Variants in UNC13B observed in about 807,000 individuals in gnomAD.
UNC13B encodes the protein unc-13 homolog B, also known as protein unc-13 homolog B.
A neutral mutation model predicts 211.0 loss-of-function variants in UNC13B; 144 were observed. The ratio of observed to expected loss-of-function variants is 0.68; its 90% CI spans 0.60 to 0.78. The LOEUF is 0.78. Among genes scored for constraint, UNC13B ranks in the 30% least tolerant of loss-of-function variants. The pLI is 0.00. For missense variants in UNC13B, 1,777 were observed against 2,002.0 expected, an observed-to-expected ratio of 0.89 and a Z score of 2.14; for synonymous variants, 709 against 725.8, an observed-to-expected ratio of 0.98 and a Z score of 0.37.
At chr9:35,243,190 CCTT>C (rs1346283495) in intron 5 of UNC13B, 98 bp from the exon 6 acceptor site, 93 of 1,167,708 alleles carry the variant, frequency 8.0e-5, no homozygotes, top group Non-Finnish European at 1.1e-4. Context: ...ATCACTACCA[CCTT>C]CTGACTTCAG....
intron 11 of UNC13B, among the ~76,000 whole-genome samples, chr9:35,330,461 G>C (rs576118316): frequency 1.3e-5 from 2 of 152,306 alleles, no homozygotes; most frequent in Non-Finnish European, 2.9e-5. Flanking sequence ...AGGGATCTAG[G>C]CCACCAGGTC....
Position 35,302,671 on chromosome 9 carries a change from T to C in UNC13B, c.3267T>C (p.His1089=), listed in dbSNP as rs1244901082. The change falls in exon 9 of 40, where the codon CAT becomes CAC. Residue 1089 remains histidine, a synonymous_variant. Coordinates refer to ENST00000635942, the MANE Select transcript of UNC13B (RefSeq NM_001371189.2). The part of the protein sequence containing the change: ...LAIPGVVPKE[H]ITSDPLGEDK... ...TCCCTGGAGTTGTGCCCAAAGAACA[T>C]ATAACTTCAGATCCTTTAGGAGAAG... 5.0e-6 allele frequency: 2 copies of C among 398,644 alleles called. No homozygotes were observed. The highest frequency in any genetic ancestry group is 4.4e-5 in the Admixed American group (1 of 22,720). 24.7% of individuals were successfully genotyped at this position (398,644 alleles called of 1,614,324 possible).
At chr9:35,370,003 C>T (rs1790246188) in intron 12 of UNC13B, among the ~76,000 whole-genome samples, 1 of 152,184 alleles carries the variant, frequency 6.6e-6, no homozygotes, top group Non-Finnish European at 1.5e-5. Flanking sequence ...CCAATTCCTA[C>T]CTTGCCTTAT....
At chr9:35,391,483 C>G (rs1288426339) in intron 26 of UNC13B, among the ~76,000 whole-genome samples, 1 of 152,164 alleles carries the variant, frequency 6.6e-6, no homozygotes, top group Non-Finnish European at 1.5e-5. Flanking sequence ...GATGAGCCAC[C>G]CTCAGATGCT....
At chr9:35,398,157 A>C in intron 30 of UNC13B, 54 bp from the exon 31 acceptor site, 1 of 1,548,660 alleles carries the variant, frequency 6.5e-7, no homozygotes, top group Non-Finnish European at 8.8e-7. Flanking sequence ...ACCTAGGCTA[A>C]TGGGTCCTAT....
At chr9:35,195,978 A>G (rs138782600) in intron 1 of UNC13B, among the ~76,000 whole-genome samples, 4,262 of 152,166 alleles carry the variant, frequency 0.028, 96 homozygotes, top group Non-Finnish European at 0.042. Flanking sequence ...ACACATACAC[A>G]TATACATGCA....
rs1830015783 is a variant in UNC13B at position 35,308,165 on chromosome 9, G to T, written c.8761G>T (p.Gly2921Trp). 2.5e-6 allele frequency: 1 copy of T among 399,632 alleles called. No individual in the cohort carries two copies. The highest frequency in any genetic ancestry group is 3.6e-5 in the East Asian group (1 of 28,084). The allele number at this position is 399,632 out of a possible 1,614,324, so 24.8% of individuals were successfully genotyped here. The change falls in exon 9 of 40, where the codon GGG becomes TGG. Residue 2921 changes from glycine (G) to tryptophan (W), a missense_variant. By Grantham distance (184) the Gly-to-Trp change is radical. Coordinates refer to ENST00000635942, the MANE Select transcript of UNC13B (RefSeq NM_001371189.2). Reference sequence around the variant, plus strand: ...AGAGGTCTGTGCTCAGGGGCTTTCAGGGTCTGGAGAAGGGGGAAACCAGCA... The same window carrying T: ...AGAGGTCTGTGCTCAGGGGCTTTCATGGTCTGGAGAAGGGGGAAACCAGCA... ...SPEVCAQGLS[G>W]SGEGGNQQEI...
chr9:35,265,139 G>A (rs1408028992), intron 7 of UNC13B, among the ~76,000 whole-genome samples: 1 of 152,172 alleles, frequency 6.6e-6, no homozygotes, highest in Non-Finnish European at 1.5e-5. Flanking sequence ...GAATTATGGG[G>A]GGCTGGGGCA....
Position 35,307,070 on chromosome 9 carries a change from A to G in UNC13B, c.7666A>G (p.Thr2556Ala). Residue 2556 changes from threonine to alanine, a missense_variant, in exon 9 of 40, where the codon ACA becomes GCA. Thr to Ala is a moderately conservative substitution (Grantham distance 58). Transcript: ENST00000635942. ...VPPERREAAF[T>A]ALSSESTLSD... ...TCCAGAAAGGAGAGAAGCTGCCTTT[A>G]CAGCACTAAGTTCAGAATCTACTCT... 2.5e-6 allele frequency: 1 copy of G among 399,066 alleles called. No individual in the cohort carries two copies. Among genetic ancestry groups the G allele is most frequent in the South Asian group, 1.3e-4 (1 of 7,864 alleles). The allele number at this position is 399,066 out of a possible 1,614,324, so 24.7% of individuals were successfully genotyped here. A position where few individuals can be genotyped will look rare whatever the true frequency, so the allele number is the denominator to read the frequency against.
chr9:35,307,852 A>G lies in UNC13B; in HGVS notation c.8448A>G (p.Leu2816=), dbSNP rs111726344. 5.0e-6 allele frequency: 2 copies of G among 399,004 alleles called. No homozygotes were observed. Among genetic ancestry groups the G allele is most frequent in the Non-Finnish European group, 8.8e-6 (2 of 226,076 alleles). 24.7% of individuals were successfully genotyped at this position (399,004 alleles called of 1,614,324 possible). The change falls in exon 9 of 40, where the codon CTA becomes CTG. Residue 2816 remains leucine, a synonymous_variant. Coordinates refer to ENST00000635942, the MANE Select transcript of UNC13B (RefSeq NM_001371189.2). ...LMSSFKKLST[L]FEGSSEGKGS... ...CCAGTTTTAAGAAGTTGTCAACTCT[A>G]TTTGAGGGAAGTAGTGAGGGGAAAG...
chr9:35,185,765 CAAAAAAA>C, intron 1 of UNC13B, among the ~76,000 whole-genome samples: 1 of 124,980 alleles, frequency 8.0e-6, no homozygotes, highest in East Asian at 2.3e-4. Context: ...TATTAAAATA[CAAAAAAA>C]AAAAAAATGG....
chr9:35,261,745 A>T (rs1827287642), intron 7 of UNC13B, among the ~76,000 whole-genome samples: 1 of 152,062 alleles, frequency 6.6e-6, no homozygotes, highest in African/African-American at 2.4e-5. Context: ...GTACGCATTA[A>T]CCGTCCCTAA....
chr9:35,276,319 A>G (rs1346175309), intron 7 of UNC13B, among the ~76,000 whole-genome samples: 2 of 151,798 alleles, frequency 1.3e-5, no homozygotes, highest in African/African-American at 4.8e-5. Flanking sequence ...AAAAAAAAAA[A>G]AAAAAGGCAT....
intron 1 of UNC13B, among the ~76,000 whole-genome samples, chr9:35,186,998 G>A (rs544420504): frequency 4.6e-5 from 7 of 152,168 alleles, no homozygotes; most frequent in African/African-American, 1.4e-4. Flanking sequence ...CTTCCTTTTC[G>A]TTGGGAACCA....
intron 6 of UNC13B, among the ~76,000 whole-genome samples, chr9:35,254,891 A>T (rs1388693141): frequency 8.0e-6 from 1 of 125,776 alleles, no homozygotes; most frequent in African/African-American, 2.9e-5. Flanking sequence ...TATATTATAT[A>T]TAATATACGT....
At chr9:35,377,825 G>A (rs987702678) in intron 16 of UNC13B, 130 bp downstream of exon 16, 4 of 978,428 alleles carry the variant, frequency 4.1e-6, no homozygotes, top group African/African-American at 3.3e-5. Context: ...GGAAGGAAAG[G>A]CCTCTTTATT....
Position 35,233,661 on chromosome 9 carries a change from G to A in UNC13B, c.152+2442G>A, listed in dbSNP as rs562284597. ...TATTATGTGGCAGTATCTAATATTC[G>A]TTTTGGTATTTCTTATATTATTTGT... On this transcript the variant is annotated intron_variant, in intron 3 of 39. Transcript: ENST00000635942. Among the ~76,000 whole-genome samples, 8 of 151,838 alleles carry A rather than the reference G, an allele frequency of 5.3e-5. 1 individual carries two copies. The South Asian group carries it at 1.0e-3, about 20-fold the overall frequency.
intron 10 of UNC13B, among the ~76,000 whole-genome samples, chr9:35,313,057 G>A (rs17361814): frequency 0.23 from 34,662 of 151,978 alleles, 4,236 homozygotes; most frequent in Non-Finnish European, 0.28. Context: ...GGAACTGATC[G>A]TTTTAAGAAG....
chr9:35,323,686 C>G (rs1166354523), intron 11 of UNC13B, among the ~76,000 whole-genome samples: 1 of 152,194 alleles, frequency 6.6e-6, no homozygotes, highest in Non-Finnish European at 1.5e-5. Flanking sequence ...CTTGACTGGA[C>G]CTGGCTGTTC....
Sources: gnomAD v4.1 joint callset for allele counts (sites outside exome capture counted in the v4.1 genomes callset) on GRCh38, gnomAD v4.1.1 for gene constraint, MANE v1.5 for transcripts, NCBI Gene and HGNC (gene_info 2026-07-23, HGNC 2026-07-21) for gene names.